The following RNFT2 variants were observed in gnomAD, a reference collection of about 807,000 sequenced individuals.
RNFT2 encodes the protein E3 ubiquitin-protein ligase RNFT2.
In RNFT2, 36 loss-of-function variants were observed where a neutral mutation model predicts 53.0. The ratio of observed to expected loss-of-function variants is 0.68; its 90% confidence interval spans 0.52 to 0.90. The LOEUF is 0.90. RNFT2 is among the 40% of genes least tolerant of loss of function. RNFT2 has a pLI of 0.00. For missense variants in RNFT2, 514 were observed against 585.6 expected, an observed-to-expected ratio of 0.88 and a Z score of 1.26; for synonymous variants, 260 against 253.2, an observed-to-expected ratio of 1.03 and a Z score of -0.26.
At chr12:116,840,098 GA>G (rs1158632023) in intron 10 of RNFT2, among the ~76,000 whole-genome samples, 1 of 152,244 alleles carries the variant, frequency 6.6e-6, no homozygotes, top group Non-Finnish European at 1.5e-5. Context: ...TTGCCAAAGA[GA>G]AGAGTAAGAG....
chr12:116,758,187 C>T (rs552129369), intron 5 of RNFT2, among the ~76,000 whole-genome samples: 4 of 152,256 alleles, frequency 2.6e-5, no homozygotes, highest in Admixed American at 6.5e-5. Flanking sequence ...TGCCTTTTTC[C>T]ACCCCTTTAA....
rs1219993720 is a variant in RNFT2, at chr12:116,852,861, T to C, written c.*3413T>C. Reference sequence around the variant, plus strand: ...GCTGGAACCAAGGAAACTAACAATGTAGGTTACTAGTGAATACCCCAATGG... The same window carrying C: ...GCTGGAACCAAGGAAACTAACAATGCAGGTTACTAGTGAATACCCCAATGG... On this transcript the variant is annotated 3_prime_UTR_variant, in exon 11 of 11. Coordinates refer to ENST00000257575, the MANE Select transcript of RNFT2 (RefSeq NM_001382266.1). 1.4e-6 allele frequency: 1 copy of C among 715,278 alleles called. No individual in the cohort carries two copies. Among genetic ancestry groups the C allele is most frequent in the African/African-American group, 1.8e-5 (1 of 56,250 alleles). The allele number at this position is 715,278 out of a possible 1,614,324, so 44.3% of individuals were successfully genotyped here.
chr12:116,852,478 C>T lies in RNFT2; in HGVS notation c.*3030C>T. On this transcript the variant is annotated 3_prime_UTR_variant, in exon 11 of 11. Coordinates refer to ENST00000257575, the MANE Select transcript of RNFT2 (RefSeq NM_001382266.1). ...TCAAGCTCCGTTACTATGGCGATGG[C>T]CATGATGTTACAATCCCACTTGCCT... 1 of 1,470,532 alleles carries T rather than the reference C, an allele frequency of 6.8e-7. No homozygotes were observed. Among genetic ancestry groups the T allele is most frequent in the Non-Finnish European group, 9.0e-7 (1 of 1,110,062 alleles). The allele number at this position is 1,470,532 out of a possible 1,614,324, so 91.1% of individuals were successfully genotyped here. A position where few individuals can be genotyped will look rare whatever the true frequency, so the allele number is the denominator to read the frequency against.
At chr12:116,802,775 A>G (rs1229974135) in intron 7 of RNFT2, among the ~76,000 whole-genome samples, 5 of 152,114 alleles carry the variant, frequency 3.3e-5, no homozygotes, top group South Asian at 2.1e-4. Flanking sequence ...GCATGTGGCA[A>G]TTTCCTACAG....
At chr12:116,772,301 T>G (rs1873238038) in intron 6 of RNFT2, among the ~76,000 whole-genome samples, 1 of 152,126 alleles carries the variant, frequency 6.6e-6, no homozygotes, top group African/African-American at 2.4e-5. Context: ...AAAGTAATTT[T>G]TATTTTATTT....
intron 5 of RNFT2, among the ~76,000 whole-genome samples, chr12:116,759,776 A>C (rs931203465): frequency 6.6e-6 from 1 of 152,098 alleles, no homozygotes; most frequent in Non-Finnish European, 1.5e-5. Context: ...TGGAGGGTGC[A>C]ATGGACTCCG....
chr12:116,799,992 T>C (rs540367657), intron 7 of RNFT2, among the ~76,000 whole-genome samples: 1 of 152,296 alleles, frequency 6.6e-6, no homozygotes, highest in East Asian at 1.9e-4. Context: ...GAGTTATTGC[T>C]ATATTAGTTC....
intron 7 of RNFT2, among the ~76,000 whole-genome samples, chr12:116,788,042 C>G (rs1287352645): frequency 1.3e-5 from 2 of 152,222 alleles, no homozygotes; most frequent in African/African-American, 4.8e-5. Flanking sequence ...ATTCTCCTGC[C>G]TCAGCCTCCC....
intron 7 of RNFT2, among the ~76,000 whole-genome samples, chr12:116,789,575 A>G (rs1874120859): frequency 1.4e-5 from 2 of 138,178 alleles, no homozygotes; most frequent in South Asian, 2.5e-4. Context: ...AGATGAGTGG[A>G]TGGGTAAATG....
rs1403826750 is a variant in RNFT2 at position 116,850,180 on chromosome 12, G to GT, written c.*732_*733insT. ...TTTTTTTTTTTTTTTTTTGAGACAG[G>GT]GTCTGGGTCTTCACCCAGGCTGGAG... On this transcript the variant is annotated 3_prime_UTR_variant, in exon 11 of 11. Coordinates refer to ENST00000257575, the MANE Select transcript of RNFT2 (RefSeq NM_001382266.1). The GT allele has an allele frequency of 3.1e-5, 4 of 127,696 alleles. No individual in the cohort carries two copies. The highest frequency in any genetic ancestry group is 4.8e-5 in the Non-Finnish European group (3 of 62,898). 7.9% of individuals were successfully genotyped at this position (127,696 alleles called of 1,614,324 possible). A position where few individuals can be genotyped will look rare whatever the true frequency, so the allele number is the denominator to read the frequency against.
chr12:116,816,224 G>A (rs1410509915), intron 7 of RNFT2, among the ~76,000 whole-genome samples: 1 of 152,230 alleles, frequency 6.6e-6, no homozygotes, highest in African/African-American at 2.4e-5. Flanking sequence ...CTGTGTGTAG[G>A]GAAGCTGCTG....
intron 5 of RNFT2, among the ~76,000 whole-genome samples, chr12:116,760,530 G>A (rs902178632): frequency 1.3e-5 from 2 of 152,146 alleles, no homozygotes; most frequent in Admixed American, 6.5e-5. Context: ...CTTCCTCTAC[G>A]CCTGTATTTT....
At chr12:116,766,275 TTAAAA>T (rs997207210) in intron 5 of RNFT2, among the ~76,000 whole-genome samples, 6 of 151,870 alleles carry the variant, frequency 4.0e-5, no homozygotes, top group African/African-American at 1.5e-4. Flanking sequence ...GAAAAAAAAA[TTAAAA>T]TAAAAAATTT....
At chr12:116,810,745 G>T (rs1276750390) in intron 7 of RNFT2, among the ~76,000 whole-genome samples, 1 of 152,190 alleles carries the variant, frequency 6.6e-6, no homozygotes, top group Admixed American at 6.5e-5. Flanking sequence ...GGCCTTGGAG[G>T]TGTCTACTTT....
intron 6 of RNFT2, among the ~76,000 whole-genome samples, chr12:116,770,567 A>C: frequency 6.7e-6 from 1 of 148,444 alleles, no homozygotes. Flanking sequence ...TTGTTTTTTC[A>C]TTTTTTTTTT....
chr12:116,801,825 TTTGTTTG>T (rs1250282910), intron 7 of RNFT2, among the ~76,000 whole-genome samples: 1 of 151,796 alleles, frequency 6.6e-6, no homozygotes, highest in African/African-American at 2.4e-5. Flanking sequence ...TGTTTGTTTG[TTTGTTTG>T]TTTTTTTGAG....
chr12:116,822,916 G>A (rs549616941), intron 7 of RNFT2, among the ~76,000 whole-genome samples: 1 of 152,334 alleles, frequency 6.6e-6, no homozygotes, highest in Admixed American at 6.5e-5. Flanking sequence ...AGAATCACTT[G>A]AACCCAGGAG....
intron 10 of RNFT2, among the ~76,000 whole-genome samples, chr12:116,848,695 G>A (rs1477720697): frequency 1.3e-5 from 2 of 152,086 alleles, no homozygotes; most frequent in African/African-American, 2.4e-5. Flanking sequence ...GATCTCATCA[G>A]GGCTCACTCC....
intron 5 of RNFT2, among the ~76,000 whole-genome samples, chr12:116,761,760 C>A (rs918801513): frequency 1.3e-5 from 2 of 152,104 alleles, no homozygotes; most frequent in Non-Finnish European, 2.9e-5. Context: ...GTAGTTGAGC[C>A]CGTGCTCATT....
Sources: gnomAD v4.1 joint callset for allele counts (sites outside exome capture counted in the v4.1 genomes callset) on GRCh38, gnomAD v4.1.1 for gene constraint, MANE v1.5 for transcripts, NCBI Gene and HGNC (gene_info 2026-07-23, HGNC 2026-07-21) for gene names.